IL34: variants seen among roughly 807,000 people sequenced by gnomAD.
IL34 encodes the protein interleukin 34, also known as interleukin-34.
A neutral mutation model predicts 25.3 loss-of-function variants in IL34; 17 were observed. The observed-to-expected ratio is 0.67, with a 90% CI of 0.46 to 1.01. The LOEUF (loss-of-function observed/expected upper bound fraction) is 1.01. Ranked by LOEUF, IL34 falls within the 50% of genes least tolerant of loss-of-function variation. The pLI, the probability that IL34 is intolerant of heterozygous loss-of-function variation, is 0.00. For missense variants in IL34, 368 were observed against 312.9 expected, an observed-to-expected ratio of 1.18 and a Z score of -1.33; for synonymous variants, 174 against 140.9, an observed-to-expected ratio of 1.23 and a Z score of -1.66.
chr16:70,597,993 C>T (rs1395331309), intron 1 of IL34, among the ~76,000 whole-genome samples: 5 of 152,232 alleles, frequency 3.3e-5, no homozygotes, highest in South Asian at 4.1e-4. Context: ...TACAGGTGCC[C>T]GCCACCATGT....
rs747915412 is a variant in IL34, at chr16:70,659,641, G to A, written c.426G>A (p.Val142=). ...GLTDVEVSPK[V]ESVLSLLNAP... Reference sequence around the variant, plus strand: ...AGGATGTGGAGGTCAGCCCCAAGGTGGAATCCGTGTTGTCCCTCTTGAATG... The same window carrying A: ...AGGATGTGGAGGTCAGCCCCAAGGTAGAATCCGTGTTGTCCCTCTTGAATG... The change falls in exon 5 of 6, where the codon GTG becomes GTA. Residue 142 remains valine (V), a synonymous_variant. Coordinates refer to ENST00000288098, the MANE Select transcript of IL34 (RefSeq NM_001393494.1). 2.5e-6 allele frequency: 4 copies of A among 1,611,194 alleles called. No individual in the cohort carries two copies. The East Asian group carries it at 6.7e-5, about 27-fold the overall frequency.
chr16:70,603,639 C>T (rs1239022033), intron 1 of IL34, among the ~76,000 whole-genome samples: 1 of 152,168 alleles, frequency 6.6e-6, no homozygotes, highest in Non-Finnish European at 1.5e-5. Flanking sequence ...GTGGCATGAT[C>T]TTGGCTCACT....
In IL34 at chr16:70,607,624, G is replaced by A. The variant is rs150833908; in HGVS notation, c.-401+27575G>A. On this transcript the variant is annotated intron_variant, in intron 1 of 6. Coordinates refer to the IL34 transcript ENST00000429149. The stretch of plus-strand genomic sequence containing the variant: ...TTTCACTGTGTATCCATAATTTTTC[G>A]AAGATGCCCCTTTTCAGGTTAAGGA... Among the ~76,000 whole-genome samples the A allele has an allele frequency of 3.2e-4, 48 of 152,218 alleles. 1 individual carries two copies. In the East Asian group the frequency reaches 8.5e-3, roughly 27 times the overall value.
chr16:70,640,643 G>C, intron 1 of IL34, among the ~76,000 whole-genome samples: 1 of 136,738 alleles, frequency 7.3e-6, no homozygotes, highest in South Asian at 2.4e-4. Context: ...AAAAAAAAAA[G>C]TTAGTTTTTA....
chr16:70,616,566 C>T (rs779560296), intron 1 of IL34, among the ~76,000 whole-genome samples: 17 of 152,214 alleles, frequency 1.1e-4, no homozygotes, highest in Admixed American at 4.6e-4. Flanking sequence ...TGGGTGCAGG[C>T]GGGCTGAGTC....
At chr16:70,622,411 C>T (rs372108378) in intron 1 of IL34, among the ~76,000 whole-genome samples, 14 of 151,746 alleles carry the variant, frequency 9.2e-5, no homozygotes, top group African/African-American at 2.2e-4. Flanking sequence ...GATGGAACAC[C>T]GAGAAGTTAT....
rs145782768 is a variant in IL34 at position 70,660,076 on chromosome 16, G to C, written c.618G>C (p.Gln206His). 2 of 1,613,586 alleles carry C rather than the reference G, an allele frequency of 1.2e-6. No homozygotes were observed. The highest frequency in any genetic ancestry group is 2.7e-5 in the African/African-American group (2 of 74,880). The change falls in exon 6 of 6, where the codon CAG becomes CAC. Residue 206 changes from glutamine to histidine, a missense_variant. Gln to His is a conservative substitution (Grantham distance 24). Coordinates refer to ENST00000288098, the MANE Select transcript of IL34 (RefSeq NM_001393494.1). ...PQSCSPEPSL[Q>H]YAATQLYPPP... ...CTTGCAGCCCAGAGCCCTCATTGCA[G>C]TATGCGGCCACCCAGCTGTACCCTC...
intron 1 of IL34, among the ~76,000 whole-genome samples, chr16:70,629,279 T>G (rs2051464771): frequency 6.6e-6 from 1 of 152,236 alleles, no homozygotes; most frequent in Non-Finnish European, 1.5e-5. Flanking sequence ...TTAGTGGGAA[T>G]GCCTCTAGTG....
intron 1 of IL34, among the ~76,000 whole-genome samples, chr16:70,590,893 C>T (rs1333716114): frequency 6.6e-6 from 1 of 152,194 alleles, no homozygotes; most frequent in East Asian, 1.9e-4. Context: ...CTGCCACCCC[C>T]ACAGTACAGA....
intron 1 of IL34, among the ~76,000 whole-genome samples, chr16:70,610,158 C>T (rs1292286720): frequency 4.6e-5 from 7 of 150,982 alleles, no homozygotes; most frequent in East Asian, 1.9e-4. Context: ...GCCAAGATTG[C>T]GCCACTCCAC....
rs769134037 is a variant in IL34, at chr16:70,657,022, C to T, written c.303C>T (p.Ala101=). The change falls in exon 4 of 6, where the codon GCC becomes GCT. Residue 101 remains alanine (A), a synonymous_variant. Transcript: ENST00000288098. ...TGTGGGTCTTGGTGAGCCTCAGTGCCACTGAGTCGGTGCAGGACGTGCTGC... is the reference window on the plus strand; with the variant it reads ...TGTGGGTCTTGGTGAGCCTCAGTGCTACTGAGTCGGTGCAGGACGTGCTGC... ...RYLWVLVSLS[A]TESVQDVLLE... is the part of the protein sequence containing the mutation. 9.9e-6 allele frequency: 16 copies of T among 1,612,420 alleles called. 1 individual carries two copies. In the South Asian group the frequency reaches 1.5e-4, roughly 16 times the overall value.
intron 2 of IL34, 23 bp from the exon 3 acceptor site, chr16:70,656,579 A>C: frequency 9.8e-7 from 1 of 1,016,750 alleles, no homozygotes; most frequent in Non-Finnish European, 1.6e-6. Context: ...CTGGCCTCAT[A>C]GTTTGTTCTT....
chr16:70,592,595 C>T (rs533670778), intron 1 of IL34, among the ~76,000 whole-genome samples: 111 of 152,180 alleles, frequency 7.3e-4, no homozygotes, highest in African/African-American at 2.6e-3. Context: ...TTTAAACTTC[C>T]TTAAAAAAAA....
chr16:70,598,558 G>A (rs2050859257), intron 1 of IL34, among the ~76,000 whole-genome samples: 2 of 152,004 alleles, frequency 1.3e-5, no homozygotes, highest in Non-Finnish European at 2.9e-5. Context: ...GGCCAACATG[G>A]TGAAACCCCG....
intron 1 of IL34, among the ~76,000 whole-genome samples, chr16:70,623,279 G>T (rs1403249909): frequency 6.6e-6 from 1 of 152,072 alleles, no homozygotes; most frequent in Non-Finnish European, 1.5e-5. Context: ...GCATGCTTGA[G>T]ATCCAGAACA....
chr16:70,653,371 C>T (rs1165018823), intron 1 of IL34, among the ~76,000 whole-genome samples: 1 of 140,530 alleles, frequency 7.1e-6, no homozygotes, highest in South Asian at 2.2e-4. Context: ...AAAGCCCCAA[C>T]AACCCAAAAC....
At chr16:70,624,724 G>C (rs976183035) in intron 1 of IL34, among the ~76,000 whole-genome samples, 1 of 151,902 alleles carries the variant, frequency 6.6e-6, no homozygotes, top group Non-Finnish European at 1.5e-5. Flanking sequence ...GCTAGTCACT[G>C]AACGAAACTA....
chr16:70,648,769 T>C (rs2052006425), intron 1 of IL34, among the ~76,000 whole-genome samples: 1 of 151,858 alleles, frequency 6.6e-6, no homozygotes, highest in Non-Finnish European at 1.5e-5. Flanking sequence ...AAGCTTCGGG[T>C]GGCTTAGAGC....
At chr16:70,597,781 T>C (rs951578712) in intron 1 of IL34, among the ~76,000 whole-genome samples, 1 of 152,220 alleles carries the variant, frequency 6.6e-6, no homozygotes, top group African/African-American at 2.4e-5. Context: ...ATTCTTTATA[T>C]AGCTGTCCCT....
Sources: allele counts gnomAD v4.1 joint callset (sites outside exome capture counted in the v4.1 genomes callset), GRCh38; gene constraint gnomAD v4.1.1; transcripts MANE v1.5; gene names NCBI Gene and HGNC (gene_info 2026-07-23, HGNC 2026-07-21).